KCTD1: variants seen among roughly 807,000 people sequenced by gnomAD.
KCTD1 encodes the protein BTB/POZ domain-containing protein KCTD1.
Under a neutral mutation model 66.0 loss-of-function variants are expected in KCTD1, and 24 were observed. The observed-to-expected ratio is 0.36, with a 90% CI of 0.26 to 0.51. KCTD1 has a LOEUF of 0.51. KCTD1 is among the 20% of genes least tolerant of loss of function. The pLI is 0.95. For missense variants in KCTD1, 943 were observed against 1,205.2 expected (o/e 0.78, Z 3.22); for synonymous variants, 511 against 517.2 (o/e 0.99, Z 0.16).
At chr18:26,513,804 A>G (rs1983482240) in intron 1 of KCTD1, among the ~76,000 whole-genome samples, 1 of 152,264 alleles carries the variant, frequency 6.6e-6, no homozygotes, top group Non-Finnish European at 1.5e-5. Flanking sequence ...ATTGGAATTC[A>G]AAATGCCTTT....
chr18:26,548,157 T>C lies in KCTD1; in HGVS notation c.380A>G (p.Gln127Arg), dbSNP rs1402527963. The change falls in exon 1 of 5, where the codon CAG becomes CGG. Residue 127 changes from glutamine (Q) to arginine (R), a missense_variant. Around this residue, in one of 10 missense-constraint regions of KCTD1, gnomAD observed 236 missense variants for 206.6 expected, o/e 1.14. Transcript: ENST00000580059. ...CGCCTCGGGCTCCAGCGCGGCGCTC[T>C]GGTCCATATTGATCATATGGACCGG... ...PEPVHMINMDQSAALEPEAPP... is the reference protein window; with the variant it reads ...PEPVHMINMDRSAALEPEAPP... 6 of 1,389,900 alleles carry C rather than the reference T, an allele frequency of 4.3e-6. No individual in the cohort carries two copies. The highest frequency in any genetic ancestry group is 2.8e-5 in the Admixed American group (1 of 36,068). The allele number at this position is 1,389,900 out of a possible 1,614,324, so 86.1% of individuals were successfully genotyped here.
intron 1 of KCTD1, among the ~76,000 whole-genome samples, chr18:26,587,692 G>A (rs1986500587): frequency 6.6e-6 from 1 of 152,188 alleles, no homozygotes; most frequent in South Asian, 2.1e-4. Context: ...GGAGGAAGGT[G>A]ATTCTGACCC....
rs1555639037 is a variant in KCTD1, at chr18:26,527,492, A to AAG, written c.1809+19235_1809+19236insCT. Among the ~76,000 whole-genome samples the AAG allele has an allele frequency of 8.5e-3, 933 of 109,436 alleles. 4 individuals carry two copies. The highest frequency in any genetic ancestry group is 0.011 in the African/African-American group (328 of 30,392). The allele number at this position is 109,436 out of a possible 152,430, so 71.8% of individuals were successfully genotyped here. A position where few individuals can be genotyped will look rare whatever the true frequency, so the allele number is the denominator to read the frequency against. ...GAAAGAGGGCTACTGCAAAAAAAAA[A>AAG]GGGGGGGGGGCGTGGGAGGGATGAC... On this transcript the variant is annotated intron_variant, in intron 1 of 4. Coordinates refer to ENST00000580059, the MANE Select transcript of KCTD1 (RefSeq NM_001142730.3).
At chr18:26,518,849 T>A (rs1469010763) in intron 1 of KCTD1, among the ~76,000 whole-genome samples, 3 of 152,176 alleles carry the variant, frequency 2.0e-5, no homozygotes, top group Non-Finnish European at 4.4e-5. Flanking sequence ...GCCATCCTTA[T>A]CTCCTTATCC....
At chr18:26,652,633 A>G (rs16942503) in intron 1 of KCTD1, among the ~76,000 whole-genome samples, 11,240 of 152,238 alleles carry the variant, frequency 0.074, 447 homozygotes, top group Admixed American at 0.11. Flanking sequence ...CACATGGTAC[A>G]CTTCATAAAG....
upstream of KCTD1, among the ~76,000 whole-genome samples, chr18:26,633,583 C>G (rs1987665045): frequency 6.6e-6 from 1 of 152,048 alleles, no homozygotes; most frequent in Non-Finnish European, 1.5e-5. Flanking sequence ...ATTCAAAACA[C>G]AAATGATAGA....
rs1156707598 is a variant in KCTD1 at position 26,455,712 on chromosome 18, G to A, written c.*31C>T. ...TTTGTTTGAGTTATTGGTTGTGTGT[G>A]TTTTCCTTTTTGCATAAGAAATATG... On this transcript the variant is annotated 3_prime_UTR_variant, in exon 5 of 5. Coordinates refer to ENST00000580059, the MANE Select transcript of KCTD1 (RefSeq NM_001142730.3). 4.3e-6 allele frequency: 7 copies of A among 1,613,726 alleles called. No homozygotes were observed. The East Asian group carries it at 1.1e-4, about 26-fold the overall frequency.
chr18:26,525,674 T>G (rs1180399791), intron 1 of KCTD1, among the ~76,000 whole-genome samples: 2 of 152,226 alleles, frequency 1.3e-5, no homozygotes, highest in Non-Finnish European at 2.9e-5. Flanking sequence ...TCATTTTCTG[T>G]AGATACATTT....
chr18:26,610,694 GAGAA>G (rs767536782), intron 1 of KCTD1, among the ~76,000 whole-genome samples: 141 of 151,060 alleles, frequency 9.3e-4, no homozygotes, highest in Non-Finnish European at 1.6e-3. Flanking sequence ...AAGAGAGAAA[GAGAA>G]AGAAAGAAAG....
chr18:26,615,834 A>T (rs1987237563), intron 1 of KCTD1, among the ~76,000 whole-genome samples: 1 of 152,162 alleles, frequency 6.6e-6, no homozygotes, highest in Non-Finnish European at 1.5e-5. Context: ...GTTGTTGCCC[A>T]GGCTGGAGTT....
chr18:26,588,153 G>A (rs898705745), intron 1 of KCTD1, among the ~76,000 whole-genome samples: 4 of 152,206 alleles, frequency 2.6e-5, no homozygotes, highest in African/African-American at 9.7e-5. Context: ...GTGGCCAGGT[G>A]TGGTGCTGTG....
intron 1 of KCTD1, among the ~76,000 whole-genome samples, chr18:26,645,626 G>C (rs1055428513): frequency 6.6e-6 from 1 of 152,112 alleles, no homozygotes; most frequent in African/African-American, 2.4e-5. Context: ...TCAAACTCCT[G>C]ACCTTAAGCA....
At chr18:26,656,929 G>A (rs944398932) in intron 1 of KCTD1, among the ~76,000 whole-genome samples, 1 of 150,206 alleles carries the variant, frequency 6.7e-6, no homozygotes, top group African/African-American at 2.4e-5. Context: ...GGAGAGCCGC[G>A]GCGGAGCGGC....
At chr18:26,646,710 T>C (rs1731792085) in intron 1 of KCTD1, among the ~76,000 whole-genome samples, 1 of 152,190 alleles carries the variant, frequency 6.6e-6, no homozygotes, top group Admixed American at 6.5e-5. Flanking sequence ...AGAATTTTTT[T>C]AAGAGGGAAA....
chr18:26,526,949 A>G (rs1984191635), intron 1 of KCTD1, among the ~76,000 whole-genome samples: 1 of 150,610 alleles, frequency 6.6e-6, no homozygotes, highest in African/African-American at 2.4e-5. Flanking sequence ...AAAGCAACCT[A>G]TTTTCTGTAA....
intron 1 of KCTD1, among the ~76,000 whole-genome samples, chr18:26,654,580 C>T (rs1261786424): frequency 6.6e-6 from 1 of 152,154 alleles, no homozygotes; most frequent in African/African-American, 2.4e-5. Context: ...ATATATTGTG[C>T]TTCAGGCATA....
intron 1 of KCTD1, among the ~76,000 whole-genome samples, chr18:26,540,813 G>C (rs1243641475): frequency 1.3e-5 from 2 of 152,210 alleles, no homozygotes; most frequent in African/African-American, 4.8e-5. Context: ...TCAACAGCAA[G>C]CTATTAGTTA....
chr18:26,538,693 G>A (rs113890239), intron 1 of KCTD1, among the ~76,000 whole-genome samples: 214 of 152,298 alleles, frequency 1.4e-3, no homozygotes, highest in African/African-American at 4.9e-3. Flanking sequence ...CATATTTGAA[G>A]CACTTTTCAA....
intron 1 of KCTD1, among the ~76,000 whole-genome samples, chr18:26,506,257 C>T (rs772848021): frequency 3.3e-5 from 5 of 152,196 alleles, no homozygotes; most frequent in Non-Finnish European, 7.3e-5. Flanking sequence ...ACAAAACAGG[C>T]TGGTCTCTGG....
Sources: gnomAD v4.1 joint callset for allele counts (sites outside exome capture counted in the v4.1 genomes callset) on GRCh38, gnomAD v4.1.1 for gene constraint, gnomAD v4.1.1 regional missense constraint, MANE v1.5 for transcripts, NCBI Gene and HGNC (gene_info 2026-07-23, HGNC 2026-07-21) for gene names.